The following SNX31 variants were observed in gnomAD, a reference collection of about 807,000 sequenced individuals.
SNX31 encodes sorting nexin 31, also known as sorting nexin-31.
SNX31 carries 58 observed loss-of-function variants against 65.4 expected under a neutral mutation model. The ratio of observed to expected loss-of-function variants is 0.89; its 90% confidence interval spans 0.72 to 1.10. SNX31 has a LOEUF of 1.10. Ranked by LOEUF, SNX31 falls within the 50% of genes least tolerant of loss-of-function variation. The pLI, the probability that SNX31 is intolerant of heterozygous loss-of-function variation, is 0.00. For synonymous variants in SNX31, 181 were observed against 190.1 expected (o/e 0.95, Z 0.39); for missense variants, 523 against 529.7 (o/e 0.99, Z 0.12).
chr8:100,608,906 C>A (rs780043431), intron 7 of SNX31, among the ~76,000 whole-genome samples: 33 of 152,130 alleles, frequency 2.2e-4, no homozygotes, highest in Admixed American at 9.2e-4. Context: ...TAGTCAACTG[C>A]CCCACACAGA....
rs1343716896 is a variant in SNX31 at position 100,659,088 on chromosome 8, G to A, written c.-58+4054C>T. 3.1e-4 allele frequency among the ~76,000 whole-genome samples: 47 copies of A among 152,118 alleles called. 3 individuals are homozygous for A. Among genetic ancestry groups the A allele is most frequent in the Admixed American group, 3.1e-3 (47 of 15,262 alleles). ...TGGCCGGGCACAGGGGCTCATGCCTGTAATACCAGCACTTTGGGAGGCCGA... is the reference window on the plus strand; with the variant it reads ...TGGCCGGGCACAGGGGCTCATGCCTATAATACCAGCACTTTGGGAGGCCGA... On this transcript the variant is annotated intron_variant, in intron 1 of 5. Transcript: ENST00000520352.
chr8:100,619,524 G>T (rs2131099524), intron 4 of SNX31, among the ~76,000 whole-genome samples: 1 of 152,354 alleles, frequency 6.6e-6, no homozygotes, highest in African/African-American at 2.4e-5. Flanking sequence ...TCAGAGTTCA[G>T]GGAAGCACAG....
chr8:100,581,346 T>TAG (rs1554570517), intron 12 of SNX31, among the ~76,000 whole-genome samples: 2 of 147,086 alleles, frequency 1.4e-5, no homozygotes, highest in African/African-American at 2.5e-5. Context: ...TCTATATATA[T>TAG]ATATATATAT....
Position 100,589,071 on chromosome 8 carries a change from C to T in SNX31, c.979-92G>A, listed in dbSNP as rs755961109. 64 of 896,482 alleles carry T rather than the reference C, an allele frequency of 7.1e-5. 1 individual carries two copies. The highest frequency in any genetic ancestry group is 2.2e-4 in the South Asian group (14 of 64,602). 55.5% of individuals were successfully genotyped at this position (896,482 alleles called of 1,614,324 possible). On this transcript the variant is annotated intron_variant, in intron 10 of 13. Coordinates refer to ENST00000311812, the MANE Select transcript of SNX31 (RefSeq NM_152628.4). Reference sequence around the variant, plus strand: ...CTCACACCTGAAATCCCAGCTGAGGCGGGCAGATCGCCTGAGGTCAGGAGT... The same window carrying T: ...CTCACACCTGAAATCCCAGCTGAGGTGGGCAGATCGCCTGAGGTCAGGAGT...
Sources: allele counts gnomAD v4.1 joint callset (sites outside exome capture counted in the v4.1 genomes callset), GRCh38; gene constraint gnomAD v4.1.1; transcripts MANE v1.5; gene names NCBI Gene and HGNC (gene_info 2026-07-23, HGNC 2026-07-21).